Variants in CHST3 observed in about 807,000 individuals in gnomAD.
The protein encoded by CHST3 is C6ST-1.
In CHST3, 20 loss-of-function variants were observed where a neutral mutation model predicts 35.4. The observed-to-expected ratio is 0.57, with a 90% confidence interval of 0.40 to 0.82. The LOEUF (loss-of-function observed/expected upper bound fraction) is 0.82. CHST3 is among the 40% of genes least tolerant of loss of function. The pLI, the probability that CHST3 is intolerant of heterozygous loss-of-function variation, is 0.00. For synonymous variants in CHST3, 334 were observed against 295.9 expected (o/e 1.13, Z -1.32); for missense variants, 693 against 670.1 (o/e 1.03, Z -0.38).
At chr10:71,990,122 G>T (rs1430041695) in intron 1 of CHST3, among the ~76,000 whole-genome samples, 1 of 152,166 alleles carries the variant, frequency 6.6e-6, no homozygotes, top group Non-Finnish European at 1.5e-5. Context: ...CCTAGAAGTG[G>T]AATTCCTGGG....
chr10:71,979,934 G>C (rs979320524), intron 1 of CHST3, among the ~76,000 whole-genome samples: 1 of 152,160 alleles, frequency 6.6e-6, no homozygotes, highest in Admixed American at 6.5e-5. Context: ...TATAAGCACA[G>C]GGAAAATGCA....
Position 72,008,621 on chromosome 10 carries a change from G to A in CHST3, c.*150G>A. 2 of 1,413,044 alleles carry A rather than the reference G, an allele frequency of 1.4e-6. No homozygotes were observed. Among genetic ancestry groups the A allele is most frequent in the Non-Finnish European group, 1.8e-6 (2 of 1,081,170 alleles). 87.5% of individuals were successfully genotyped at this position (1,413,044 alleles called of 1,614,324 possible). A position where few individuals can be genotyped will look rare whatever the true frequency, so the allele number is the denominator to read the frequency against. On this transcript the variant is annotated 3_prime_UTR_variant, in exon 3 of 3. Coordinates refer to ENST00000373115, the MANE Select transcript of CHST3 (RefSeq NM_004273.5). ...CAGCCAGCGCTCCAGCCAAAGCGGC[G>A]GCCCCAGGGTTAATTGCGGAGAACA... is the stretch of plus-strand genomic sequence containing the variant.
chr10:71,976,342 T>A (rs373885182), intron 1 of CHST3, among the ~76,000 whole-genome samples: 5 of 152,306 alleles, frequency 3.3e-5, no homozygotes, highest in African/African-American at 1.2e-4. Context: ...GCAGGTGCTG[T>A]GGGGACACGG....
intron 1 of CHST3, among the ~76,000 whole-genome samples, chr10:71,979,301 G>T (rs1330213099): frequency 6.6e-6 from 1 of 152,180 alleles, no homozygotes; most frequent in Non-Finnish European, 1.5e-5. Context: ...TGAGGACCCA[G>T]GTTGCCTGCC....
chr10:71,977,756 G>A (rs1173674406), intron 1 of CHST3, among the ~76,000 whole-genome samples: 2 of 152,020 alleles, frequency 1.3e-5, no homozygotes, highest in African/African-American at 4.8e-5. Context: ...CACAACCTCT[G>A]CCTCCCAGAT....
chr10:72,003,163 T>C (rs1335549768), intron 1 of CHST3, among the ~76,000 whole-genome samples: 2 of 152,172 alleles, frequency 1.3e-5, no homozygotes, highest in Non-Finnish European at 2.9e-5. Context: ...GTGCTTAGCA[T>C]GGCACCTGGC....
intron 1 of CHST3, among the ~76,000 whole-genome samples, chr10:71,996,752 A>C (rs1483772807): frequency 6.6e-6 from 1 of 152,112 alleles, no homozygotes; most frequent in Non-Finnish European, 1.5e-5. Context: ...ACAAACATTC[A>C]TTGAGCCCTG....
intron 1 of CHST3, among the ~76,000 whole-genome samples, chr10:71,983,325 C>A (rs994993340): frequency 2.0e-5 from 3 of 152,224 alleles, no homozygotes; most frequent in African/African-American, 7.2e-5. Flanking sequence ...TACTCCTTGT[C>A]ACCCACAGCC....
chr10:71,980,763 G>A (rs1200991418), intron 1 of CHST3, among the ~76,000 whole-genome samples: 1 of 152,200 alleles, frequency 6.6e-6, no homozygotes. Flanking sequence ...ACCATCAGGG[G>A]ATTTGCTTTA....
intron 1 of CHST3, among the ~76,000 whole-genome samples, chr10:72,000,447 TTAGG>T (rs1839982076): frequency 6.6e-6 from 1 of 151,720 alleles, no homozygotes; most frequent in Admixed American, 6.6e-5. Context: ...GTGGCCCACA[TTAGG>T]TCAGGGGTCA....
At chr10:71,968,391 T>C (rs577412344) in intron 1 of CHST3, among the ~76,000 whole-genome samples, 1 of 152,342 alleles carries the variant, frequency 6.6e-6, no homozygotes, top group Non-Finnish European at 1.5e-5. Flanking sequence ...TATTAGACTT[T>C]TGTCGGATGC....
At chr10:71,988,525 C>T (rs1423921769) in intron 1 of CHST3, among the ~76,000 whole-genome samples, 3 of 152,172 alleles carry the variant, frequency 2.0e-5, no homozygotes, top group African/African-American at 7.2e-5. Context: ...CTCATTCCTG[C>T]TTTTGCCATT....
chr10:71,972,097 G>A (rs543225619), intron 1 of CHST3, among the ~76,000 whole-genome samples: 3 of 152,186 alleles, frequency 2.0e-5, no homozygotes, highest in South Asian at 2.1e-4. Context: ...CGTCCTCACC[G>A]AGTTCTCACC....
intron 1 of CHST3, among the ~76,000 whole-genome samples, chr10:71,986,304 G>C (rs1464917379): frequency 6.6e-6 from 1 of 152,178 alleles, no homozygotes; most frequent in Admixed American, 6.5e-5. Context: ...AAGTAATCTT[G>C]ATGCCCAGGC....
Position 71,999,497 on chromosome 10 carries a change from C to T in CHST3, c.-107-6239C>T, listed in dbSNP as rs531569771. Among the ~76,000 whole-genome samples the T allele has an allele frequency of 1.8e-3, 270 of 152,360 alleles. 1 individual carries two copies. Among genetic ancestry groups the T allele is most frequent in the African/African-American group, 5.9e-3 (247 of 41,592 alleles). On this transcript the variant is annotated intron_variant, in intron 1 of 2. Coordinates refer to ENST00000373115, the MANE Select transcript of CHST3 (RefSeq NM_004273.5). The stretch of plus-strand genomic sequence containing the variant: ...TCCTCCTCCAGCTCGTGGGAAAGGC[C>T]GAGAGGCCGGGCCAGCAACAGCTGA...
intron 1 of CHST3, among the ~76,000 whole-genome samples, chr10:71,967,552 C>T (rs1839643924): frequency 6.6e-6 from 1 of 152,172 alleles, no homozygotes; most frequent in African/African-American, 2.4e-5. Context: ...ATATGTACCA[C>T]ATTTCTTTAT....
At chr10:72,004,959 A>G (rs1473711823) in intron 1 of CHST3, among the ~76,000 whole-genome samples, 1 of 152,164 alleles carries the variant, frequency 6.6e-6, no homozygotes. Context: ...GCAAGACCCC[A>G]TCTCTACAAA....
At chr10:71,993,626 T>C (rs989285538) in intron 1 of CHST3, among the ~76,000 whole-genome samples, 1 of 152,242 alleles carries the variant, frequency 6.6e-6, no homozygotes, top group African/African-American at 2.4e-5. Flanking sequence ...TCACTGTCTA[T>C]TGCAGCTATA....
chr10:72,007,898 C>A lies in CHST3; in HGVS notation c.867C>A (p.Asp289Glu). ...AGTTCCTGCAGCCGCTGGCCGAGGA[C>A]CCCCGCCTGGACCTGCGCGTCATCC... ...QLEFLQPLAE[D>E]PRLDLRVIQL... The change falls in exon 3 of 3, where the codon GAC becomes GAA. Residue 289 changes from aspartate to glutamate, a missense_variant. Asp to Glu is a conservative substitution (Grantham distance 45, BLOSUM62 2). Transcript: ENST00000373115. 6.3e-7 allele frequency: 1 copy of A among 1,576,678 alleles called. No homozygotes were observed. The highest frequency in any genetic ancestry group is 8.6e-7 in the Non-Finnish European group (1 of 1,161,834).
Sources: gnomAD v4.1 joint callset for allele counts (sites outside exome capture counted in the v4.1 genomes callset) on GRCh38, gnomAD v4.1.1 for gene constraint, MANE v1.5 for transcripts, NCBI Gene and HGNC (gene_info 2026-07-23, HGNC 2026-07-21) for gene names.